The following STK32B variants were observed in gnomAD, a reference collection of about 807,000 sequenced individuals.
The protein encoded by STK32B is serine/threonine kinase 32B.
In STK32B, 43 loss-of-function variants were observed where a neutral mutation model predicts 52.6. That is an observed-to-expected ratio of 0.82 (90% CI 0.64 to 1.05). STK32B has a LOEUF of 1.05. Ranked by LOEUF, STK32B falls within the 50% of genes least tolerant of loss-of-function variation. The pLI is 0.00. For synonymous variants in STK32B, 238 were observed against 204.3 expected (o/e 1.17, Z -1.41); for missense variants, 621 against 534.6 (o/e 1.16, Z -1.59).
chr4:5,370,230 G>C (rs1735140706), intron 4 of STK32B, among the ~76,000 whole-genome samples: 1 of 152,108 alleles, frequency 6.6e-6, no homozygotes, highest in African/African-American at 2.4e-5. Flanking sequence ...TAATTATATG[G>C]AGCAATTCAC....
chr4:5,290,370 A>G (rs1728822014), intron 3 of STK32B, among the ~76,000 whole-genome samples: 1 of 152,200 alleles, frequency 6.6e-6, no homozygotes, highest in Non-Finnish European at 1.5e-5. Flanking sequence ...ATTCCTTTAT[A>G]TGCTTATTCT....
intron 11 of STK32B, among the ~76,000 whole-genome samples, chr4:5,487,637 T>C (rs1229708016): frequency 6.6e-6 from 1 of 152,190 alleles, no homozygotes; most frequent in African/African-American, 2.4e-5. Flanking sequence ...AAAGCTGTGC[T>C]AGGGTTATCG....
chr4:5,357,616 G>A (rs1734273755), intron 4 of STK32B, among the ~76,000 whole-genome samples: 1 of 145,468 alleles, frequency 6.9e-6, no homozygotes, highest in African/African-American at 2.6e-5. Context: ...ACTAATGGCA[G>A]TAAAAACTGT....
Position 5,156,546 on chromosome 4 carries a change from C to T in STK32B, c.109-11753C>T, listed in dbSNP as rs1373171817. ...CAGCAGGAGCGTCCACGGTGAAGTG[C>T]TCCACTTTGAGTTAACTCTGTAGTC... is the stretch of plus-strand genomic sequence containing the variant. On this transcript the variant is annotated intron_variant, in intron 2 of 11. Coordinates refer to ENST00000282908, the MANE Select transcript of STK32B (RefSeq NM_018401.3). Among the ~76,000 whole-genome samples, 5 of 152,294 alleles carry T rather than the reference C, an allele frequency of 3.3e-5. No individual in the cohort carries two copies. In the East Asian group the frequency reaches 9.7e-4, roughly 29 times the overall value.
At position 5,205,707 on chromosome 4, in the gene STK32B, TGTGTG is replaced by T. The variant is rs1489477440; in HGVS notation, c.260+37258_260+37262del. On this transcript the variant is annotated intron_variant, in intron 3 of 11. Transcript: ENST00000282908. ...GTTCTAGACCAGGCGCGCGCGCGTG[TGTGTG>T]TGTGTGTGTGTGTGTGTGTGCATTT... is the stretch of plus-strand genomic sequence containing the variant. Among the ~76,000 whole-genome samples, 558 of 143,198 alleles carry T rather than the reference TGTGTG, an allele frequency of 3.9e-3. 6 individuals are homozygous for T. The highest frequency in any genetic ancestry group is 8.6e-3 in the African/African-American group (339 of 39,228). The allele number at this position is 143,198 out of a possible 152,430, so 93.9% of individuals were successfully genotyped here.
At chr4:5,153,284 T>A (rs1717524177) in intron 2 of STK32B, among the ~76,000 whole-genome samples, 1 of 152,196 alleles carries the variant, frequency 6.6e-6, no homozygotes, top group African/African-American at 2.4e-5. Context: ...GGTCAGAGCC[T>A]GCTTCTTCCA....
chr4:5,119,049 A>G (rs956452042), intron 1 of STK32B, among the ~76,000 whole-genome samples: 3 of 152,188 alleles, frequency 2.0e-5, no homozygotes, highest in African/African-American at 4.8e-5. Context: ...TAGATATACT[A>G]CATATCTGTT....
chr4:5,357,007 G>GTA (rs140670209), intron 4 of STK32B, among the ~76,000 whole-genome samples: 3,687 of 140,158 alleles, frequency 0.026, 99 homozygotes, highest in African/African-American at 0.079. Flanking sequence ...TCTCATATGT[G>GTA]TATATATATA....
At chr4:5,419,053 C>T (rs1712405875) in intron 6 of STK32B, among the ~76,000 whole-genome samples, 1 of 152,196 alleles carries the variant, frequency 6.6e-6, no homozygotes, top group Non-Finnish European at 1.5e-5. Context: ...AAAGAAATGA[C>T]TATTTCCCTG....
At chr4:5,201,509 A>G (rs533372888) in intron 3 of STK32B, among the ~76,000 whole-genome samples, 1 of 152,126 alleles carries the variant, frequency 6.6e-6, no homozygotes, top group African/African-American at 2.4e-5. Context: ...ATTGTATCCC[A>G]CTCTGAAAGA....
At chr4:5,204,556 G>GCCTC (rs1167178144) in intron 3 of STK32B, among the ~76,000 whole-genome samples, 1 of 151,646 alleles carries the variant, frequency 6.6e-6, no homozygotes, top group African/African-American at 2.4e-5. Context: ...TGCAATCTCC[G>GCCTC]CCTCCTGAGT....
At chr4:5,264,835 G>A (rs1025598287) in intron 3 of STK32B, among the ~76,000 whole-genome samples, 1 of 152,040 alleles carries the variant, frequency 6.6e-6, no homozygotes, top group Non-Finnish European at 1.5e-5. Flanking sequence ...ATATATTCCT[G>A]ATGAAAGTTC....
At chr4:5,480,581 T>C (rs962778198) in intron 11 of STK32B, among the ~76,000 whole-genome samples, 3 of 151,458 alleles carry the variant, frequency 2.0e-5, no homozygotes, top group Non-Finnish European at 4.4e-5. Context: ...GAGACCACGT[T>C]TTTTTTTTCT....
chr4:5,304,604 G>C (rs1729794629), intron 3 of STK32B, among the ~76,000 whole-genome samples: 1 of 151,842 alleles, frequency 6.6e-6, no homozygotes, highest in Non-Finnish European at 1.5e-5. Flanking sequence ...GGGTTTTCTA[G>C]GTATACAATC....
At chr4:5,392,705 G>A (rs1021997801) in intron 4 of STK32B, among the ~76,000 whole-genome samples, 1 of 152,142 alleles carries the variant, frequency 6.6e-6, no homozygotes, top group Non-Finnish European at 1.5e-5. Flanking sequence ...TAAAATAGGA[G>A]TAGCAATACC....
At chr4:5,245,452 T>C (rs2108823359) in intron 3 of STK32B, among the ~76,000 whole-genome samples, 1 of 152,326 alleles carries the variant, frequency 6.6e-6, no homozygotes, top group South Asian at 2.1e-4. Flanking sequence ...TCCATCCCTT[T>C]ACTTTGAGCC....
chr4:5,412,507 C>A (rs1367267945), intron 5 of STK32B, among the ~76,000 whole-genome samples: 3 of 152,252 alleles, frequency 2.0e-5, no homozygotes, highest in Non-Finnish European at 2.9e-5. Context: ...TCCAGAGCAA[C>A]CCTGAAGGCC....
At chr4:5,387,991 C>T (rs963700706) in intron 4 of STK32B, among the ~76,000 whole-genome samples, 6 of 152,094 alleles carry the variant, frequency 3.9e-5, no homozygotes, top group Admixed American at 2.0e-4. Context: ...TGATCCCGCC[C>T]GCCTCAGCCT....
At chr4:5,497,821 T>G (rs112606856) in intron 11 of STK32B, among the ~76,000 whole-genome samples, 216 of 152,312 alleles carry the variant, frequency 1.4e-3, no homozygotes, top group African/African-American at 4.9e-3. Flanking sequence ...ACACAGAGGC[T>G]TGCTGGGTGA....
Sources: gnomAD v4.1 joint callset for allele counts (sites outside exome capture counted in the v4.1 genomes callset) on GRCh38, gnomAD v4.1.1 for gene constraint, MANE v1.5 for transcripts, NCBI Gene and HGNC (gene_info 2026-07-23, HGNC 2026-07-21) for gene names.